Variants in RYR1 observed in about 807,000 individuals in gnomAD.
RYR1 encodes ryanodine receptor 1.
RYR1 carries 342 observed loss-of-function variants against 583.5 expected under a neutral mutation model. That is an observed-to-expected ratio of 0.59 (90% CI 0.54 to 0.64). The LOEUF is 0.64. Ranked by LOEUF, RYR1 falls within the 30% of genes least tolerant of loss-of-function variation. RYR1 has a pLI of 0.00. For synonymous variants in RYR1, 2,791 were observed against 2,822.5 expected, an observed-to-expected ratio of 0.99 and a Z score of 0.35; for missense variants, 6,032 against 6,917.2, an observed-to-expected ratio of 0.87 and a Z score of 4.54.
rs1568506373 is a variant in RYR1, at chr19:38,502,774, C to CAGGGGCAGGGGCAGGGGTAGGGGT, written c.7835+64_7835+65insTAGGGGTAGGGGCAGGGGCAGGGG. ...GGTGGGGCAGGGGCAGGGGCAGGGG[C>CAGGGGCAGGGGCAGGGGTAGGGGT]AGGGGCAGGGGCAGGGGCAGGGGCA... is the stretch of plus-strand genomic sequence containing the variant. On this transcript the variant is annotated intron_variant, in intron 48 of 105. Coordinates refer to ENST00000359596, the MANE Select transcript of RYR1 (RefSeq NM_000540.3). 4.1e-6 allele frequency: 3 copies of CAGGGGCAGGGGCAGGGGTAGGGGT among 733,736 alleles called. No homozygotes were observed. In the African/African-American group the frequency reaches 1.2e-4, roughly 29 times the overall value. 45.5% of individuals were successfully genotyped at this position (733,736 alleles called of 1,614,324 possible).
At chr19:38,550,683 C>T (rs1972627204) in intron 89 of RYR1, among the ~76,000 whole-genome samples, 1 of 151,916 alleles carries the variant, frequency 6.6e-6, no homozygotes, top group Non-Finnish European at 1.5e-5. Flanking sequence ...GCCAATGTCT[C>T]TTCCCATTAC....
intron 13 of RYR1, among the ~76,000 whole-genome samples, 177 bp downstream of exon 13, chr19:38,453,191 G>A (rs543457804): frequency 6.6e-6 from 1 of 152,104 alleles, no homozygotes; most frequent in East Asian, 1.9e-4. Flanking sequence ...AGAACACGAT[G>A]GGGCGGGGCC....
At chr19:38,514,825 T>TATCC (rs1970883713) in intron 63 of RYR1, among the ~76,000 whole-genome samples, 1 of 152,120 alleles carries the variant, frequency 6.6e-6, no homozygotes, top group Non-Finnish European at 1.5e-5. Context: ...GTACTATAAC[T>TATCC]ATCCCCATGT....
chr19:38,566,363 C>T (rs1355223802), intron 91 of RYR1, among the ~76,000 whole-genome samples: 1 of 142,302 alleles, frequency 7.0e-6, no homozygotes, highest in Non-Finnish European at 1.5e-5. Flanking sequence ...GCAGGAGAAT[C>T]GCTTGAACCC....
intron 87 of RYR1, among the ~76,000 whole-genome samples, chr19:38,544,619 C>CT (rs1309392426): frequency 2.6e-5 from 4 of 152,158 alleles, no homozygotes; most frequent in Non-Finnish European, 5.9e-5. Flanking sequence ...TAGGGGACGC[C>CT]TTTTTTTCTA....
In RYR1 at chr19:38,492,522, G is replaced by A; in HGVS notation, c.6160G>A (p.Glu2054Lys). ...IQLDGEEEEP[E>K]EETTLGSRLM... Reference sequence around the variant, plus strand: ...GCTAGATGGAGAGGAGGAGGAACCAGAGGAAGAGACCACCCTGGGCAGCCG... The same window carrying A: ...GCTAGATGGAGAGGAGGAGGAACCAAAGGAAGAGACCACCCTGGGCAGCCG... Residue 2054 changes from glutamate to lysine, a missense_variant, in exon 38 of 106, where the codon GAG (glutamate) becomes AAG (lysine). Glu to Lys is a moderately conservative substitution (Grantham distance 56). Transcript: ENST00000359596. The A allele has an allele frequency of 6.2e-7, 1 of 1,614,182 alleles. No individual in the cohort carries two copies. The highest frequency in any genetic ancestry group is 1.1e-5 in the South Asian group (1 of 91,084).
chr19:38,573,081 C>A, intron 95 of RYR1, 96 bp from the exon 96 acceptor site: 1 of 1,583,394 alleles, frequency 6.3e-7, no homozygotes, highest in Non-Finnish European at 8.6e-7. Context: ...GATGTGGGGT[C>A]ACACACAGAC....
rs747575568 is a variant in RYR1 at position 38,473,577 on chromosome 19, C to G, written c.3966C>G (p.Ala1322=). 1.4e-5 allele frequency: 23 copies of G among 1,594,466 alleles called. No individual in the cohort carries two copies. Among genetic ancestry groups the G allele is most frequent in the Middle Eastern group, 3.3e-4 (2 of 6,044 alleles). Residue 1322 remains alanine, a synonymous_variant, in exon 28 of 106, where the codon GCC becomes GCG. Transcript: ENST00000359596. ...PGLQPPAEDE[A]RAAEPDPDYE... is the part of the protein sequence containing the mutation. Reference sequence around the variant, plus strand: ...TGCAGCCCCCCGCCGAGGACGAGGCCCGGGCGGCGGAACCCGACCCTGACT... The same window carrying G: ...TGCAGCCCCCCGCCGAGGACGAGGCGCGGGCGGCGGAACCCGACCCTGACT...
intron 97 of RYR1, among the ~76,000 whole-genome samples, chr19:38,577,082 C>T (rs1252122233): frequency 1.3e-5 from 2 of 151,982 alleles, no homozygotes; most frequent in Non-Finnish European, 2.9e-5. Flanking sequence ...GACGGGGTTT[C>T]GCCATGTGGG....
At chr19:38,556,755 G>A (rs2145816652) in intron 89 of RYR1, among the ~76,000 whole-genome samples, 1 of 152,222 alleles carries the variant, frequency 6.6e-6, no homozygotes, top group South Asian at 2.1e-4. Flanking sequence ...GTCTATCAGT[G>A]GATAGTGCTG....
chr19:38,444,092 A>T lies in RYR1; in HGVS notation c.425-57A>T. ...CCTGGTGGAGGGAGAGCCCTGGGGAAGAGCATTCTGGGAAGCCATCATCTG... is the reference window on the plus strand; with the variant it reads ...CCTGGTGGAGGGAGAGCCCTGGGGATGAGCATTCTGGGAAGCCATCATCTG... On this transcript the variant is annotated intron_variant, in intron 5 of 105. Transcript: ENST00000359596. This position sits in a 1 kb window ranked among gnomAD's most constrained non-coding sequence, Gnocchi z 5.1. 6.9e-7 allele frequency: 1 copy of T among 1,444,472 alleles called. No homozygotes were observed. Among genetic ancestry groups the T allele is most frequent in the Non-Finnish European group, 9.7e-7 (1 of 1,025,884 alleles). 89.5% of individuals were successfully genotyped at this position (1,444,472 alleles called of 1,614,324 possible).
chr19:38,456,067 G>GA (rs1967366461), intron 16 of RYR1, among the ~76,000 whole-genome samples: 1 of 149,966 alleles, frequency 6.7e-6, no homozygotes, highest in Non-Finnish European at 1.5e-5. Context: ...TGCCTCCTGG[G>GA]TTCAAGCGAT....
At chr19:38,585,827 G>T in intron 102 of RYR1, 111 bp from the exon 103 acceptor site, 1 of 1,289,274 alleles carries the variant, frequency 7.8e-7, no homozygotes, top group Non-Finnish European at 1.1e-6. Context: ...GATTAGGGGT[G>T]AGATTAGGGA....
chr19:38,452,693 G>T, intron 12 of RYR1, 126 bp from the exon 13 acceptor site: 2 of 823,122 alleles, frequency 2.4e-6, no homozygotes, highest in South Asian at 3.5e-5. Flanking sequence ...TTCCCTCTCT[G>T]CGTCTCGGTC....
chr19:38,569,014 A>ATTT (rs536234775), intron 93 of RYR1, among the ~76,000 whole-genome samples: 1 of 146,198 alleles, frequency 6.8e-6, no homozygotes. Context: ...CTACAAAAGA[A>ATTT]TTTTTTTTTT....
intron 59 of RYR1, 30 bp downstream of exon 59, chr19:38,510,595 G>T (rs541814190): frequency 4.0e-5 from 65 of 1,614,008 alleles, no homozygotes; most frequent in Middle Eastern, 1.6e-4. Flanking sequence ...GCTGGAGGGC[G>T]CTGGGGACTC....
chr19:38,496,909 C>T lies in RYR1; in HGVS notation c.6846C>T (p.Asp2282=). 6.2e-7 allele frequency: 1 copy of T among 1,613,574 alleles called. No individual in the cohort carries two copies. The highest frequency in any genetic ancestry group is 1.6e-4 in the Middle Eastern group (1 of 6,062). ...PLDVAAASVI[D]NNELALALQE... ...ACGTGGCTGCTGCCTCCGTCATTGACAACAATGAGCTGGCCTTGGCATTGC... is the reference window on the plus strand; with the variant it reads ...ACGTGGCTGCTGCCTCCGTCATTGATAACAATGAGCTGGCCTTGGCATTGC... Residue 2282 remains aspartate, a synonymous_variant, in exon 42 of 106, where the codon GAC becomes GAT. Transcript: ENST00000359596. This position sits in a 1 kb window ranked among gnomAD's most constrained non-coding sequence, Gnocchi z 4.8.
chr19:38,473,748 C>A lies in RYR1; in HGVS notation c.4137C>A (p.Thr1379=). Residue 1379 remains threonine, a synonymous_variant, in exon 28 of 106, where the codon ACC becomes ACA. Coordinates refer to ENST00000359596, the MANE Select transcript of RYR1 (RefSeq NM_000540.3). ...PARAENEKDA[T]TEKNKKRGFL... ...GGGCGGAGAATGAGAAGGATGCCACCACCGAGAAGAACAAGAAGAGAGGGT... is the reference window on the plus strand; with the variant it reads ...GGGCGGAGAATGAGAAGGATGCCACAACCGAGAAGAACAAGAAGAGAGGGT... 6.5e-7 allele frequency: 1 copy of A among 1,538,974 alleles called. No homozygotes were observed. The highest frequency in any genetic ancestry group is 8.8e-7 in the Non-Finnish European group (1 of 1,142,174).
chr19:38,586,116 G>A lies in RYR1; in HGVS notation c.14894G>A (p.Gly4965Asp), dbSNP rs1416979732. The A allele has an allele frequency of 6.2e-7, 1 of 1,614,106 alleles. No individual in the cohort carries two copies. Residue 4965 changes from glycine (G) to aspartate (D), a missense_variant, in exon 104 of 106, where the codon GGC becomes GAC. Gly to Asp is a moderately conservative substitution (Grantham distance 94, BLOSUM62 -1). Around this residue, in one of 11 missense-constraint regions of RYR1, gnomAD observed 189 missense variants for 350.3 expected, o/e 0.54. Coordinates refer to ENST00000359596, the MANE Select transcript of RYR1 (RefSeq NM_000540.3). ...METKCFICGI[G>D]SDYFDTTPHG... ...ACCAAGTGCTTCATCTGTGGAATCG[G>A]CAGTGACTACTTTGATACGACACCG...
Sources: gnomAD v4.1 joint callset for allele counts (sites outside exome capture counted in the v4.1 genomes callset) on GRCh38, gnomAD v4.1.1 for gene constraint, gnomAD v4.1.1 regional missense constraint, Gnocchi (gnomAD v3.1) non-coding constraint, MANE v1.5 for transcripts, NCBI Gene and HGNC (gene_info 2026-07-23, HGNC 2026-07-21) for gene names.